USP38: variants seen among roughly 807,000 people sequenced by gnomAD.
The protein encoded by USP38 is ubiquitin specific peptidase 38.
In USP38, 49 loss-of-function variants were observed where a neutral mutation model predicts 94.3. That is an observed-to-expected ratio of 0.52 (90% CI 0.41 to 0.66). The LOEUF is 0.66. Ranked by LOEUF, USP38 falls within the 30% of genes least tolerant of loss-of-function variation. The probability of loss-of-function intolerance (pLI) is 0.00; values close to 1 mark genes in which losing one functional copy is unlikely to be tolerated. For missense variants in USP38, 1,128 were observed against 1,229.4 expected (o/e 0.92, Z 1.23); for synonymous variants, 468 against 463.6 (o/e 1.01, Z -0.12).
At chr4:143,210,947 A>G (rs1732008050) in intron 7 of USP38, among the ~76,000 whole-genome samples, 1 of 152,058 alleles carries the variant, frequency 6.6e-6, no homozygotes, top group African/African-American at 2.4e-5. Flanking sequence ...ATCTGGGGAA[A>G]GTATGTTCAC....
chr4:143,216,898 C>G (rs1271226636), intron 9 of USP38, among the ~76,000 whole-genome samples: 2 of 151,616 alleles, frequency 1.3e-5, no homozygotes, highest in African/African-American at 4.9e-5. Context: ...GTAACCTCCA[C>G]TCCTGGGTTC....
At chr4:143,201,564 A>G (rs1731715506) in intron 4 of USP38, among the ~76,000 whole-genome samples, 1 of 152,194 alleles carries the variant, frequency 6.6e-6, no homozygotes, top group Non-Finnish European at 1.5e-5. Flanking sequence ...AGTATGAGCA[A>G]TAATCTGGAA....
intron 4 of USP38, 120 bp downstream of exon 4, chr4:143,198,044 A>G: frequency 1.7e-6 from 1 of 605,048 alleles, no homozygotes; most frequent in Non-Finnish European, 2.8e-6. Flanking sequence ...CTGTTTTCAT[A>G]TAGCTTTATG....
At chr4:143,186,442 C>T (rs1260547128) in intron 1 of USP38, among the ~76,000 whole-genome samples, 4 of 152,228 alleles carry the variant, frequency 2.6e-5, no homozygotes, top group African/African-American at 9.6e-5. Context: ...ATGACAGCTA[C>T]TGCAGAAAGC....
At chr4:143,212,263 C>T in intron 7 of USP38, 55 bp from the exon 8 acceptor site, 6 of 1,396,226 alleles carry the variant, frequency 4.3e-6, no homozygotes, top group Non-Finnish European at 5.0e-6. Context: ...ATTTCAGTTA[C>T]TTGGTTCATG....
Position 143,201,956 on chromosome 4 carries a change from G to A in USP38, c.1051-1452G>A, listed in dbSNP as rs543268786. Among the ~76,000 whole-genome samples the A allele has an allele frequency of 4.6e-5, 7 of 152,220 alleles. 1 individual carries two copies. The highest frequency in any genetic ancestry group is 1.7e-4 in the African/African-American group (7 of 41,550). ...GATAATGTTGACCATTTGAGATATA[G>A]TAATAGACAACCATATAACCTGATT... On this transcript the variant is annotated intron_variant, in intron 4 of 9. Transcript: ENST00000307017.
chr4:143,206,755 A>G (rs1324991645), intron 6 of USP38, among the ~76,000 whole-genome samples: 1 of 152,208 alleles, frequency 6.6e-6, no homozygotes, highest in Non-Finnish European at 1.5e-5. Context: ...CTTTAAAGAA[A>G]TTACTATTCC....
At position 143,206,218 on chromosome 4, in the gene USP38, G is replaced by A; in HGVS notation, c.1395G>A (p.Met465Ile). ...ACAGTGTTATACAAGCCTTGTTTAT[G>A]GCCACAGAGTAAGTTTAAACTTGAA... is the stretch of plus-strand genomic sequence containing the variant. ...YMNSVIQALF[M>I]ATDFRRQVLS... The change falls in exon 6 of 10, where the codon ATG becomes ATA. Residue 465 changes from methionine (M) to isoleucine (I), a missense_variant. Transcript: ENST00000307017. 1 of 1,587,104 alleles carries A rather than the reference G, an allele frequency of 6.3e-7. No individual in the cohort carries two copies. The highest frequency in any genetic ancestry group is 1.2e-5 in the South Asian group (1 of 85,074).
rs568847703 is a variant in USP38, at chr4:143,186,390, A to C, written c.682+258A>C. On this transcript the variant is annotated intron_variant, in intron 1 of 9. Transcript: ENST00000307017. Reference sequence around the variant, plus strand: ...ACCTTTGGCACTAAACAAGTTGCTTAATTACCCAGCCTCTGCTCAAGTTAT... The same window carrying C: ...ACCTTTGGCACTAAACAAGTTGCTTCATTACCCAGCCTCTGCTCAAGTTAT... Among the ~76,000 whole-genome samples the C allele has an allele frequency of 4.6e-5, 7 of 152,314 alleles. No individual in the cohort carries two copies. In the East Asian group the frequency reaches 1.4e-3, roughly 29 times the overall value.
chr4:143,205,769 G>A (rs1292610088), intron 5 of USP38, among the ~76,000 whole-genome samples: 1 of 152,134 alleles, frequency 6.6e-6, no homozygotes, highest in African/African-American at 2.4e-5. Context: ...AGAACATAAA[G>A]AGTTCAAATG....
intron 6 of USP38, among the ~76,000 whole-genome samples, chr4:143,207,610 C>G (rs559117163): frequency 6.6e-6 from 1 of 151,686 alleles, no homozygotes; most frequent in African/African-American, 2.4e-5. Context: ...AATATCAGCA[C>G]TCAGGTGTTT....
rs753550275 is a variant in USP38, at chr4:143,220,492, G to A, written c.*36G>A. On this transcript the variant is annotated 3_prime_UTR_variant, in exon 10 of 10. Transcript: ENST00000307017. The stretch of plus-strand genomic sequence containing the variant: ...GTCCAAAATGCACTGGTCACGAAAC[G>A]TCTAATACTATGACTGTTAAAATGT... 48 of 1,559,628 alleles carry A rather than the reference G, an allele frequency of 3.1e-5. No homozygotes were observed. Among genetic ancestry groups the A allele is most frequent in the Admixed American group, 1.9e-5 (1 of 51,802 alleles).
intron 4 of USP38, among the ~76,000 whole-genome samples, chr4:143,201,526 G>A (rs973607304): frequency 6.6e-5 from 10 of 152,126 alleles, no homozygotes; most frequent in Non-Finnish European, 1.5e-4. Context: ...AAATAACTCA[G>A]TAAAGGACTT....
intron 4 of USP38, among the ~76,000 whole-genome samples, chr4:143,203,183 G>A (rs892948235): frequency 1.3e-5 from 2 of 152,070 alleles, no homozygotes; most frequent in African/African-American, 4.8e-5. Context: ...GGTGTGTAAG[G>A]ATGAGGAGAG....
At chr4:143,202,006 G>A (rs1294675953) in intron 4 of USP38, among the ~76,000 whole-genome samples, 1 of 152,126 alleles carries the variant, frequency 6.6e-6, no homozygotes, top group East Asian at 1.9e-4. Flanking sequence ...TAATTTGACA[G>A]ATTTGGAATT....
intron 2 of USP38, among the ~76,000 whole-genome samples, chr4:143,191,023 G>T (rs1051278804): frequency 1.3e-5 from 2 of 151,744 alleles, no homozygotes; most frequent in African/African-American, 4.8e-5. Context: ...CTCAGTTTTT[G>T]TATTACATTT....
intron 6 of USP38, among the ~76,000 whole-genome samples, chr4:143,208,951 G>A (rs1211203588): frequency 6.0e-5 from 9 of 149,438 alleles, no homozygotes; most frequent in East Asian, 3.9e-4. Context: ...ATTTTTTACC[G>A]GATGGATACC....
chr4:143,219,651 TTG>T (rs1732272888), intron 9 of USP38, among the ~76,000 whole-genome samples: 1 of 152,124 alleles, frequency 6.6e-6, no homozygotes. Flanking sequence ...TCCAAAGAGT[TTG>T]TGGGTCCCAG....
intron 2 of USP38, among the ~76,000 whole-genome samples, chr4:143,193,050 G>A (rs770466595): frequency 3.2e-4 from 48 of 152,066 alleles, no homozygotes; most frequent in Non-Finnish European, 3.8e-4. Flanking sequence ...GCCCTGTCTG[G>A]TTCTGCTCTG....
Sources: gnomAD v4.1 joint callset for allele counts (sites outside exome capture counted in the v4.1 genomes callset) on GRCh38, gnomAD v4.1.1 for gene constraint, MANE v1.5 for transcripts, NCBI Gene and HGNC (gene_info 2026-07-23, HGNC 2026-07-21) for gene names.